Variants in SLC24A3 observed in about 807,000 individuals in gnomAD.
The protein encoded by SLC24A3 is sodium/potassium/calcium exchanger 3.
A neutral mutation model predicts 75.8 loss-of-function variants in SLC24A3; 28 were observed. That is an observed-to-expected ratio of 0.37 (90% CI 0.27 to 0.51). SLC24A3 has a LOEUF of 0.51. SLC24A3 is among the 20% of genes least tolerant of loss of function. The pLI, the probability that SLC24A3 is intolerant of heterozygous loss-of-function variation, is 0.94. For synonymous variants in SLC24A3, 372 were observed against 334.1 expected (o/e 1.11, Z -1.24); for missense variants, 663 against 847.8 (o/e 0.78, Z 2.71).
chr20:19,522,130 T>A (rs2030110555), intron 3 of SLC24A3, among the ~76,000 whole-genome samples: 1 of 152,158 alleles, frequency 6.6e-6, no homozygotes, highest in Non-Finnish European at 1.5e-5. Flanking sequence ...AACTTTTTTT[T>A]AAATTAACAT....
intron 14 of SLC24A3, among the ~76,000 whole-genome samples, 199 bp downstream of exon 14, chr20:19,697,110 TG>T: frequency 6.6e-6 from 1 of 151,786 alleles, no homozygotes; most frequent in East Asian, 1.9e-4. Context: ...CCTCTCTACC[TG>T]GGGGACCCAC....
intron 3 of SLC24A3, among the ~76,000 whole-genome samples, chr20:19,544,042 A>G (rs2030547957): frequency 6.6e-6 from 1 of 152,188 alleles, no homozygotes; most frequent in Non-Finnish European, 1.5e-5. Flanking sequence ...CAGAAAGTCA[A>G]ACTCAATTTG....
At chr20:19,595,824 G>A (rs1185322234) in intron 6 of SLC24A3, among the ~76,000 whole-genome samples, 1 of 152,156 alleles carries the variant, frequency 6.6e-6, no homozygotes, top group African/African-American at 2.4e-5. Context: ...GAAGGTGGAG[G>A]AACAGCTTTA....
intron 2 of SLC24A3, among the ~76,000 whole-genome samples, chr20:19,315,889 A>G (rs1984574189): frequency 1.3e-5 from 2 of 152,244 alleles, no homozygotes; most frequent in Admixed American, 6.5e-5. Flanking sequence ...CATCTAACCT[A>G]GCAAGCATCG....
At position 19,237,816 on chromosome 20, in the gene SLC24A3, C is replaced by T. The variant is rs1049911803; in HGVS notation, c.142+24832C>T. ...CTCATCAAATCCCAGCCTGCTCCCCCTTTTTCCTCGCAGCCTCCACCTCGC... is the reference window on the plus strand; with the variant it reads ...CTCATCAAATCCCAGCCTGCTCCCCTTTTTTCCTCGCAGCCTCCACCTCGC... On this transcript the variant is annotated intron_variant, in intron 1 of 16. Coordinates refer to ENST00000328041, the MANE Select transcript of SLC24A3 (RefSeq NM_020689.4). Among the ~76,000 whole-genome samples the T allele has an allele frequency of 7.2e-5, 11 of 152,060 alleles. No homozygotes were observed. In the South Asian group the frequency reaches 2.3e-3, roughly 32 times the overall value.
At chr20:19,639,423 C>T (rs1351567857) in intron 6 of SLC24A3, among the ~76,000 whole-genome samples, 1 of 152,172 alleles carries the variant, frequency 6.6e-6, no homozygotes, top group Non-Finnish European at 1.5e-5. Flanking sequence ...ATTCACAAAC[C>T]CTGAGCTAGA....
intron 1 of SLC24A3, among the ~76,000 whole-genome samples, chr20:19,262,426 A>G (rs1198409652): frequency 2.2e-5 from 3 of 138,404 alleles, no homozygotes; most frequent in Non-Finnish European, 3.1e-5. Context: ...AAAAAAAAAA[A>G]GAAAGAGAGA....
intron 1 of SLC24A3, among the ~76,000 whole-genome samples, chr20:19,252,324 A>G (rs112475388): frequency 2.0e-5 from 3 of 152,172 alleles, no homozygotes; most frequent in Non-Finnish European, 2.9e-5. Context: ...GGCAGATAGG[A>G]GGCAGGGTGA....
At chr20:19,708,464 C>T (rs533570384) in intron 15 of SLC24A3, among the ~76,000 whole-genome samples, 2 of 152,342 alleles carry the variant, frequency 1.3e-5, no homozygotes, top group South Asian at 4.1e-4. Context: ...ACACTGCTCC[C>T]TCTGCTAGAA....
chr20:19,245,933 AAGATCAAATAATAAAGTCTTTAAGGTAT>A (rs1369092819), intron 1 of SLC24A3, among the ~76,000 whole-genome samples: 2 of 152,212 alleles, frequency 1.3e-5, no homozygotes, highest in Non-Finnish European at 2.9e-5. Flanking sequence ...TGGTAACTGA[AAGATCAAATAATAAAGTCTTTAAGGTAT>A]AGAAGATTTG....
At chr20:19,414,360 A>T (rs575755266) in intron 2 of SLC24A3, among the ~76,000 whole-genome samples, 3 of 152,354 alleles carry the variant, frequency 2.0e-5, no homozygotes, top group African/African-American at 7.2e-5. Context: ...GATATTAATA[A>T]CAGACATTTG....
chr20:19,338,832 A>C (rs1359608107), intron 2 of SLC24A3, among the ~76,000 whole-genome samples: 2 of 152,292 alleles, frequency 1.3e-5, no homozygotes, highest in East Asian at 3.9e-4. Context: ...ATAAGCCCTC[A>C]CTCAATGATA....
chr20:19,665,155 G>A lies in SLC24A3; in HGVS notation c.688-709G>A, dbSNP rs552851836. Among the ~76,000 whole-genome samples the A allele has an allele frequency of 1.1e-4, 16 of 152,308 alleles. No homozygotes were observed. In the East Asian group the frequency reaches 2.7e-3, roughly 26 times the overall value. ...ATGAGTAAACCTCAGTGGGGTGCTA[G>A]TGTGCCTTTGACTGCTTCTGACCCC... On this transcript the variant is annotated intron_variant, in intron 7 of 16. Coordinates refer to ENST00000328041, the MANE Select transcript of SLC24A3 (RefSeq NM_020689.4).
intron 2 of SLC24A3, among the ~76,000 whole-genome samples, chr20:19,301,071 G>T (rs1984183672): frequency 6.6e-6 from 1 of 152,146 alleles, no homozygotes; most frequent in African/African-American, 2.4e-5. Flanking sequence ...CATGGCAATT[G>T]GAGCCAGTGT....
intron 2 of SLC24A3, among the ~76,000 whole-genome samples, chr20:19,303,484 A>C (rs1341334356): frequency 6.6e-6 from 1 of 152,044 alleles, no homozygotes; most frequent in Non-Finnish European, 1.5e-5. Context: ...GCGTGCCTGT[A>C]TCTTTATGGT....
At chr20:19,433,025 G>T (rs1987131904) in intron 2 of SLC24A3, among the ~76,000 whole-genome samples, 2 of 152,068 alleles carry the variant, frequency 1.3e-5, no homozygotes, top group Admixed American at 1.3e-4. Context: ...AACATTAGAA[G>T]GACTATATTT....
intron 2 of SLC24A3, among the ~76,000 whole-genome samples, chr20:19,436,059 T>C (rs1987195859): frequency 6.6e-6 from 1 of 152,198 alleles, no homozygotes; most frequent in Non-Finnish European, 1.5e-5. Context: ...ATAGTGGAGA[T>C]AATAATAGCT....
Position 19,318,754 on chromosome 20 carries a change from C to T in SLC24A3, c.271+37667C>T, listed in dbSNP as rs570384529. Reference sequence around the variant, plus strand: ...ACAGCACAAGGACACGTGGGATGCTCTTCAGGGCTGGAAGAGAGGCTGATG... The same window carrying T: ...ACAGCACAAGGACACGTGGGATGCTTTTCAGGGCTGGAAGAGAGGCTGATG... On this transcript the variant is annotated intron_variant, in intron 2 of 16. Transcript: ENST00000328041. Among the ~76,000 whole-genome samples, 17 of 152,220 alleles carry T rather than the reference C, an allele frequency of 1.1e-4. 2 individuals are homozygous for T. The South Asian group carries it at 3.5e-3, about 32-fold the overall frequency.
At chr20:19,578,113 T>A (rs2031167143) in intron 3 of SLC24A3, among the ~76,000 whole-genome samples, 1 of 152,230 alleles carries the variant, frequency 6.6e-6, no homozygotes. Flanking sequence ...ATGCTTGGGT[T>A]GCCACAGAGG....
Sources: allele counts gnomAD v4.1 joint callset (sites outside exome capture counted in the v4.1 genomes callset), GRCh38; gene constraint gnomAD v4.1.1; transcripts MANE v1.5; gene names NCBI Gene and HGNC (gene_info 2026-07-23, HGNC 2026-07-21).